NEBL: variants seen among roughly 807,000 people sequenced by gnomAD.
The protein encoded by NEBL is nebulette.
In NEBL, 122 loss-of-function variants were observed where a neutral mutation model predicts 140.2. The observed-to-expected ratio is 0.87, with a 90% confidence interval of 0.75 to 1.01. The LOEUF is 1.01. NEBL is among the 50% of genes least tolerant of loss of function. NEBL has a pLI of 0.00. For missense variants in NEBL, 1,365 were observed against 1,231.3 expected (o/e 1.11, Z -1.62); for synonymous variants, 436 against 398.9 (o/e 1.09, Z -1.11).
At chr10:20,868,413 T>C (rs1844544175) in intron 7 of NEBL, 1 of 470,862 alleles carries the variant, frequency 2.1e-6, no homozygotes, top group Non-Finnish European at 3.9e-6. Flanking sequence ...ACAACATGGC[T>C]AGAGACATTG....
At chr10:20,932,748 A>T (rs1459186219) in intron 4 of NEBL, among the ~76,000 whole-genome samples, 1 of 152,222 alleles carries the variant, frequency 6.6e-6, no homozygotes, top group Non-Finnish European at 1.5e-5. Flanking sequence ...GTCGATACTA[A>T]TCGTTGTGCT....
upstream of NEBL, among the ~76,000 whole-genome samples, chr10:20,898,087 C>A (rs142775031): frequency 2.0e-4 from 31 of 152,004 alleles, no homozygotes; most frequent in Non-Finnish European, 4.0e-4. Context: ...TCAATGGGCA[C>A]CCCACATTCA....
intron 3 of NEBL, among the ~76,000 whole-genome samples, chr10:20,987,189 C>CT (rs796498221): frequency 7.7e-4 from 112 of 145,854 alleles, no homozygotes; most frequent in Admixed American, 1.0e-3. Context: ...ATCATTGCTT[C>CT]TTTTTTTTTT....
intron 4 of NEBL, among the ~76,000 whole-genome samples, chr10:20,925,967 C>T (rs1005020791): frequency 1.3e-5 from 2 of 152,262 alleles, no homozygotes; most frequent in African/African-American, 4.8e-5. Context: ...GTGGGCCATT[C>T]GTAAACAGGT....
At chr10:20,831,667 A>G (rs568702692) in intron 14 of NEBL, 84 bp from the exon 15 acceptor site, 2 of 859,230 alleles carry the variant, frequency 2.3e-6, no homozygotes, top group African/African-American at 1.7e-5. Flanking sequence ...TGACATTAAG[A>G]CCATGTCTTT....
intron 26 of NEBL, chr10:20,793,336 T>C (rs1333366515): frequency 1.0e-6 from 1 of 972,426 alleles, no homozygotes; most frequent in Non-Finnish European, 1.2e-6. Context: ...TCATTACTGT[T>C]TTATATGTTA....
intron 2 of NEBL, among the ~76,000 whole-genome samples, chr10:21,106,278 T>A (rs2132004711): frequency 6.6e-6 from 1 of 152,374 alleles, no homozygotes; most frequent in African/African-American, 2.4e-5. Flanking sequence ...ATGTCCTGAA[T>A]GGTATTGCCT....
intron 1 of NEBL, among the ~76,000 whole-genome samples, chr10:21,253,645 G>T (rs1842617441): frequency 6.7e-6 from 1 of 149,906 alleles, no homozygotes; most frequent in South Asian, 2.1e-4. Flanking sequence ...CTGGGTTCAA[G>T]CGCTTCTCCT....
chr10:20,787,509 A>G (rs943797908), intron 26 of NEBL, among the ~76,000 whole-genome samples: 1 of 152,094 alleles, frequency 6.6e-6, no homozygotes, highest in Non-Finnish European at 1.5e-5. Flanking sequence ...ACATAAAGAA[A>G]CTCAGCTTAG....
At chr10:20,937,815 C>A (rs1483370977) in intron 4 of NEBL, among the ~76,000 whole-genome samples, 1 of 152,106 alleles carries the variant, frequency 6.6e-6, no homozygotes, top group Non-Finnish European at 1.5e-5. Flanking sequence ...CTCAGAGGGT[C>A]CTACACCCAT....
At chr10:21,219,384 T>C (rs1367109099) in intron 3 of NEBL, among the ~76,000 whole-genome samples, 1 of 152,232 alleles carries the variant, frequency 6.6e-6, no homozygotes, top group Non-Finnish European at 1.5e-5. Flanking sequence ...TTCAAGAGTA[T>C]TGAAGCAAAT....
In NEBL at chr10:21,113,673, T is replaced by C. The variant is rs75753510; in HGVS notation, c.164+58710A>G. On this transcript the variant is annotated intron_variant, in intron 2 of 6. Transcript: ENST00000417816. ...GTGTTGTCCAAAATGTCATTTAGTTTGTAAAAATGGAACTCCTCCCTTTCC... is the reference window on the plus strand; with the variant it reads ...GTGTTGTCCAAAATGTCATTTAGTTCGTAAAAATGGAACTCCTCCCTTTCC... Among the ~76,000 whole-genome samples the C allele has an allele frequency of 3.3e-3, 496 of 152,232 alleles. 1 individual carries two copies. The highest frequency in any genetic ancestry group is 0.011 in the African/African-American group (472 of 41,554).
chr10:21,090,690 C>T (rs1836871872), intron 2 of NEBL, among the ~76,000 whole-genome samples: 1 of 152,146 alleles, frequency 6.6e-6, no homozygotes, highest in African/African-American at 2.4e-5. Context: ...GAGCCAAATG[C>T]CAGCCTTTAG....
chr10:20,951,957 G>T (rs6482156), intron 4 of NEBL, among the ~76,000 whole-genome samples: 106,508 of 151,990 alleles, frequency 0.7, 37,818 homozygotes, highest in Admixed American at 0.8. Flanking sequence ...TCACCTCTCT[G>T]CCCTCCTTTT....
At chr10:20,968,934 A>T (rs1265200367) in intron 3 of NEBL, among the ~76,000 whole-genome samples, 1 of 152,214 alleles carries the variant, frequency 6.6e-6, no homozygotes, top group African/African-American at 2.4e-5. Context: ...TCATCATCTT[A>T]TATCTTTCCA....
At chr10:21,109,133 G>A (rs1837855761) in intron 2 of NEBL, among the ~76,000 whole-genome samples, 3 of 152,096 alleles carry the variant, frequency 2.0e-5, no homozygotes, top group East Asian at 1.9e-4. Flanking sequence ...TTGGCTGTGG[G>A]TTTGTCATAG....
intron 3 of NEBL, among the ~76,000 whole-genome samples, chr10:20,962,608 C>G (rs1379002789): frequency 6.6e-6 from 1 of 152,190 alleles, no homozygotes; most frequent in African/African-American, 2.4e-5. Context: ...CTGTTATTAG[C>G]ATAATGACAA....
chr10:21,126,865 C>T (rs1838859756), intron 2 of NEBL, among the ~76,000 whole-genome samples: 1 of 151,146 alleles, frequency 6.6e-6, no homozygotes, highest in South Asian at 2.1e-4. Flanking sequence ...ATCCCAGCTA[C>T]TCAGGAGGCT....
intron 4 of NEBL, among the ~76,000 whole-genome samples, chr10:20,910,357 T>A (rs1848278289): frequency 6.6e-6 from 1 of 152,218 alleles, no homozygotes; most frequent in South Asian, 2.1e-4. Context: ...TAGCTTCCAC[T>A]TAAGTTCCTT....
Sources: gnomAD v4.1 joint callset for allele counts (sites outside exome capture counted in the v4.1 genomes callset) on GRCh38, gnomAD v4.1.1 for gene constraint, MANE v1.5 for transcripts, NCBI Gene and HGNC (gene_info 2026-07-23, HGNC 2026-07-21) for gene names.